The following COL9A1 variants were observed in gnomAD, a reference collection of about 807,000 sequenced individuals.
The protein encoded by COL9A1 is collagen type IX alpha 1 chain, also known as collagen alpha-1(IX) chain.
In COL9A1, 104 loss-of-function variants were observed where a neutral mutation model predicts 142.6. The observed-to-expected ratio is 0.73, with a 90% CI of 0.62 to 0.86. The LOEUF (loss-of-function observed/expected upper bound fraction) is 0.86. Ranked by LOEUF, COL9A1 falls within the 40% of genes least tolerant of loss-of-function variation. The pLI, the probability that COL9A1 is intolerant of heterozygous loss-of-function variation, is 0.00. For synonymous variants in COL9A1, 466 were observed against 396.0 expected (o/e 1.18, Z -2.10); for missense variants, 1,210 against 1,176.6 (o/e 1.03, Z -0.42).
At chr6:70,224,029 G>A (rs1250603560) in intron 37 of COL9A1, among the ~76,000 whole-genome samples, 1 of 152,162 alleles carries the variant, frequency 6.6e-6, no homozygotes, top group Non-Finnish European at 1.5e-5. Context: ...CTGGCCAAAG[G>A]AAGAAAGGAA....
intron 10 of COL9A1, chr6:70,280,292 A>C (rs914185600): frequency 4.9e-6 from 6 of 1,231,360 alleles, no homozygotes; most frequent in Non-Finnish European, 6.1e-6. Context: ...ATCCCCACTC[A>C]CTTCAAGTGC....
chr6:70,298,206 C>T (rs773237446), intron 4 of COL9A1, among the ~76,000 whole-genome samples: 1 of 152,150 alleles, frequency 6.6e-6, no homozygotes, highest in Non-Finnish European at 1.5e-5. Context: ...GTGCTCTTCA[C>T]CACTAATAAT....
chr6:70,267,137 G>A (rs111889510), intron 17 of COL9A1, among the ~76,000 whole-genome samples: 1 of 152,088 alleles, frequency 6.6e-6, no homozygotes, highest in African/African-American at 2.4e-5. Flanking sequence ...TTTCAGAAGT[G>A]ACAGCCTTGA....
chr6:70,256,123 C>G (rs1322680207), intron 21 of COL9A1, among the ~76,000 whole-genome samples: 1 of 152,186 alleles, frequency 6.6e-6, no homozygotes, highest in Admixed American at 6.5e-5. Flanking sequence ...CTTTCCTGCC[C>G]GTAGGCTTTC....
At chr6:70,231,267 G>GAA (rs1769526094) in intron 36 of COL9A1, among the ~76,000 whole-genome samples, 2 of 152,226 alleles carry the variant, frequency 1.3e-5, no homozygotes, top group Admixed American at 1.3e-4. Context: ...CAGATCCAAT[G>GAA]AAGTCAACAA....
rs547495061 is a variant in COL9A1 at position 70,237,828 on chromosome 6, C to A, written c.2112+1426G>T. 2.6e-5 allele frequency among the ~76,000 whole-genome samples: 4 copies of A among 152,298 alleles called. No individual in the cohort carries two copies. In the South Asian group the frequency reaches 8.3e-4, roughly 32 times the overall value. On this transcript the variant is annotated intron_variant, in intron 33 of 37. Coordinates refer to ENST00000357250, the MANE Select transcript of COL9A1 (RefSeq NM_001851.6). ...TACGATGTAATAATATTCATCTCTG[C>A]GGTTTGCAAAGAGCCCAAGGCTAGG...
intron 36 of COL9A1, among the ~76,000 whole-genome samples, chr6:70,226,420 CTT>C (rs2127553138): frequency 6.6e-6 from 1 of 152,196 alleles, no homozygotes; most frequent in East Asian, 1.9e-4. Flanking sequence ...TAATATATAA[CTT>C]TTGGTTTGAG....
intron 18 of COL9A1, among the ~76,000 whole-genome samples, chr6:70,263,606 G>A (rs937652027): frequency 4.0e-5 from 6 of 151,872 alleles, no homozygotes; most frequent in African/African-American, 1.4e-4. Flanking sequence ...AAGATATCAA[G>A]AAAAATAAAG....
At chr6:70,291,069 A>G (rs1773641324) in intron 5 of COL9A1, among the ~76,000 whole-genome samples, 1 of 152,096 alleles carries the variant, frequency 6.6e-6, no homozygotes, top group Non-Finnish European at 1.5e-5. Flanking sequence ...CATCTTCAGC[A>G]ATTGTCAGCA....
chr6:70,218,207 T>C (rs146611546), intron 37 of COL9A1, among the ~76,000 whole-genome samples: 1 of 152,326 alleles, frequency 6.6e-6, no homozygotes, highest in East Asian at 1.9e-4. Context: ...ATTATTACAA[T>C]TATTAAGATA....
At chr6:70,235,019 A>G in intron 33 of COL9A1, 79 bp from the exon 34 acceptor site, 1 of 1,589,722 alleles carries the variant, frequency 6.3e-7, no homozygotes, top group Non-Finnish European at 8.6e-7. Context: ...AAACACTTAT[A>G]TGAAATTTGC....
chr6:70,215,377 A>C (rs1031327763), downstream of COL9A1: 2 of 152,220 alleles, frequency 1.3e-5, no homozygotes, highest in African/African-American at 4.8e-5. Flanking sequence ...ATAAAAGTAC[A>C]CACGAGAAAA....
intron 29 of COL9A1, 134 bp from the exon 30 acceptor site, chr6:70,242,169 G>A: frequency 2.6e-6 from 2 of 773,648 alleles, no homozygotes; most frequent in East Asian, 2.8e-5. Context: ...CTGCTTCTTG[G>A]GTTTGCCTCT....
intron 5 of COL9A1, among the ~76,000 whole-genome samples, chr6:70,286,125 G>C (rs987507093): frequency 6.6e-6 from 1 of 152,154 alleles, no homozygotes; most frequent in African/African-American, 2.4e-5. Context: ...TTGACATCTT[G>C]ATCCGCCTGC....
At chr6:70,272,131 C>T in intron 12 of COL9A1, 43 bp from the exon 13 acceptor site, 1 of 1,540,816 alleles carries the variant, frequency 6.5e-7, no homozygotes, top group Non-Finnish European at 8.9e-7. Flanking sequence ...GAGGTTTATA[C>T]TTAGTATAAA....
intron 35 of COL9A1, among the ~76,000 whole-genome samples, chr6:70,233,550 G>A (rs560334881): frequency 3.3e-5 from 5 of 152,050 alleles, no homozygotes; most frequent in Non-Finnish European, 5.9e-5. Flanking sequence ...AGAGGGTAAA[G>A]GAGAATATGA....
Position 70,285,120 on chromosome 6 carries a change from T to C in COL9A1, c.697-1300A>G, listed in dbSNP as rs561172673. 4.1e-4 allele frequency among the ~76,000 whole-genome samples: 63 copies of C among 152,372 alleles called. No homozygotes were observed. The South Asian group carries it at 0.012, about 30-fold the overall frequency. ...CTTATTGCAAATGTGAGGTAATTCATTAAACTGTTTTCTCAAATATGTAAT... is the reference window on the plus strand; with the variant it reads ...CTTATTGCAAATGTGAGGTAATTCACTAAACTGTTTTCTCAAATATGTAAT... On this transcript the variant is annotated intron_variant, in intron 5 of 37. Transcript: ENST00000357250.
intron 6 of COL9A1, chr6:70,283,181 C>T (rs1293652840): frequency 2.0e-6 from 3 of 1,493,270 alleles, no homozygotes; most frequent in South Asian, 2.6e-5. Context: ...GTAGCGGTTG[C>T]CAAAGCGTCC....
intron 17 of COL9A1, among the ~76,000 whole-genome samples, 170 bp from the exon 18 acceptor site, chr6:70,266,940 T>C (rs1242651544): frequency 6.6e-6 from 1 of 152,234 alleles, no homozygotes; most frequent in Non-Finnish European, 1.5e-5. Flanking sequence ...ATGACTGCCA[T>C]ATATAATTAA....
Sources: gnomAD v4.1 joint callset for allele counts (sites outside exome capture counted in the v4.1 genomes callset) on GRCh38, gnomAD v4.1.1 for gene constraint, MANE v1.5 for transcripts, NCBI Gene and HGNC (gene_info 2026-07-23, HGNC 2026-07-21) for gene names.